Variants in RTN1 observed in about 807,000 individuals in gnomAD.
RTN1 encodes the protein reticulon-1.
A neutral mutation model predicts 65.5 loss-of-function variants in RTN1; 25 were observed. That is an observed-to-expected ratio of 0.38 (90% CI 0.28 to 0.53). The LOEUF (loss-of-function observed/expected upper bound fraction) is 0.53. Ranked by LOEUF, RTN1 falls within the 20% of genes least tolerant of loss-of-function variation. The pLI is 0.79. For synonymous variants in RTN1, 471 were observed against 447.6 expected, an observed-to-expected ratio of 1.05 and a Z score of -0.66; for missense variants, 983 against 1,025.4, an observed-to-expected ratio of 0.96 and a Z score of 0.57.
At chr14:59,619,138 G>A (rs1882188168) in intron 3 of RTN1, among the ~76,000 whole-genome samples, 1 of 152,214 alleles carries the variant, frequency 6.6e-6, no homozygotes, top group African/African-American at 2.4e-5. Context: ...CAAAGGATTA[G>A]TTGACAAGAA....
chr14:59,744,253 T>A (rs1885171562), intron 2 of RTN1, among the ~76,000 whole-genome samples: 1 of 152,302 alleles, frequency 6.6e-6, no homozygotes, highest in East Asian at 1.9e-4. Flanking sequence ...TCACCTGAGG[T>A]GCATACCAAA....
At chr14:59,773,861 A>C (rs1326959996) in intron 1 of RTN1, among the ~76,000 whole-genome samples, 1 of 152,194 alleles carries the variant, frequency 6.6e-6, no homozygotes, top group African/African-American at 2.4e-5. Flanking sequence ...ACAGAAAAAG[A>C]AATGAATATT....
intron 2 of RTN1, among the ~76,000 whole-genome samples, chr14:59,734,782 G>A (rs981613041): frequency 6.6e-6 from 1 of 152,036 alleles, no homozygotes; most frequent in Non-Finnish European, 1.5e-5. Context: ...GAAAGAGATG[G>A]GGAGAATAGA....
At chr14:59,759,922 G>A (rs1255483537) in intron 1 of RTN1, among the ~76,000 whole-genome samples, 8 of 152,170 alleles carry the variant, frequency 5.3e-5, no homozygotes, top group East Asian at 1.9e-4. Context: ...AGTACAATAC[G>A]CCATAACCCC....
At chr14:59,765,392 A>G (rs564709096) in intron 1 of RTN1, among the ~76,000 whole-genome samples, 10 of 152,352 alleles carry the variant, frequency 6.6e-5, no homozygotes, top group African/African-American at 2.2e-4. Flanking sequence ...TACAGGCTAA[A>G]GAATAGGTAA....
chr14:59,669,667 T>C (rs1467173660), intron 3 of RTN1, among the ~76,000 whole-genome samples: 1 of 152,100 alleles, frequency 6.6e-6, no homozygotes, highest in African/African-American at 2.4e-5. Flanking sequence ...GAGGAGATGA[T>C]GATGAGGAAT....
intron 3 of RTN1, among the ~76,000 whole-genome samples, chr14:59,645,395 A>G (rs972652846): frequency 7.3e-5 from 11 of 150,910 alleles, no homozygotes; most frequent in African/African-American, 2.4e-4. Flanking sequence ...TGTTTTCTAT[A>G]TATTACATGT....
At chr14:59,791,923 C>T (rs1886355886) in intron 1 of RTN1, among the ~76,000 whole-genome samples, 1 of 152,074 alleles carries the variant, frequency 6.6e-6, no homozygotes, top group African/African-American at 2.4e-5. Flanking sequence ...CCAGGGCTGC[C>T]TGATATGCAA....
At chr14:59,688,813 G>T (rs993326284) in intron 3 of RTN1, among the ~76,000 whole-genome samples, 2 of 151,624 alleles carry the variant, frequency 1.3e-5, no homozygotes, top group Non-Finnish European at 2.9e-5. Context: ...GACAGAAAAA[G>T]AAAAAACCCC....
At chr14:59,817,162 C>T (rs8011499) in intron 1 of RTN1, among the ~76,000 whole-genome samples, 23,237 of 151,888 alleles carry the variant, frequency 0.15, 2,153 homozygotes, top group South Asian at 0.26. Flanking sequence ...GGGTTACGAG[C>T]GTGATGGTCC....
At chr14:59,726,628 A>G (rs1303884701) in intron 3 of RTN1, among the ~76,000 whole-genome samples, 1 of 152,212 alleles carries the variant, frequency 6.6e-6, no homozygotes, top group East Asian at 1.9e-4. Context: ...AGACAGGCGC[A>G]TGCACTCCAT....
Position 59,658,703 on chromosome 14 carries a change from G to A in RTN1, c.1766-51211C>T, listed in dbSNP as rs567542683. 2.4e-3 allele frequency among the ~76,000 whole-genome samples: 364 copies of A among 152,202 alleles called. 1 individual carries two copies. Among genetic ancestry groups the A allele is most frequent in the African/African-American group, 7.8e-3 (324 of 41,552 alleles). ...TAGCATCAACATCAACAAAAAGGAC[G>A]TCCACACAAAAACTCCATCCGATGG... On this transcript the variant is annotated intron_variant, in intron 3 of 8. Coordinates refer to ENST00000267484, the MANE Select transcript of RTN1 (RefSeq NM_021136.3).
intron 3 of RTN1, among the ~76,000 whole-genome samples, chr14:59,647,595 A>C (rs1303118916): frequency 6.6e-6 from 1 of 152,318 alleles, no homozygotes; most frequent in African/African-American, 2.4e-5. Flanking sequence ...ATCATACCAA[A>C]TTCACTCTTG....
chr14:59,784,030 T>C (rs1409765408), intron 1 of RTN1, among the ~76,000 whole-genome samples: 1 of 152,218 alleles, frequency 6.6e-6, no homozygotes, highest in Non-Finnish European at 1.5e-5. Context: ...CTCTGCAGAT[T>C]GACTCTTCAT....
chr14:59,666,128 C>T (rs538476799), intron 3 of RTN1, among the ~76,000 whole-genome samples: 3 of 152,180 alleles, frequency 2.0e-5, no homozygotes, highest in African/African-American at 7.2e-5. Flanking sequence ...TCCAAATCAA[C>T]AGAATATACA....
intron 3 of RTN1, among the ~76,000 whole-genome samples, chr14:59,684,831 T>C (rs1249041357): frequency 2.0e-5 from 3 of 152,150 alleles, no homozygotes; most frequent in African/African-American, 7.2e-5. Context: ...GTTTTCTCCA[T>C]AGAAATCTGA....
In RTN1 at chr14:59,727,764, G is replaced by C; in HGVS notation, c.1016-96C>G. 3 of 1,438,702 alleles carry C rather than the reference G, an allele frequency of 2.1e-6. No homozygotes were observed. Among genetic ancestry groups the C allele is most frequent in the African/African-American group, 1.4e-5 (1 of 70,338 alleles). The allele number at this position is 1,438,702 out of a possible 1,614,324, so 89.1% of individuals were successfully genotyped here. Reference sequence around the variant, plus strand: ...GGGATAAAACAAAATTCCATTAGGCGAGATGTTTTGTCGTTGCTTGAGAAA... The same window carrying C: ...GGGATAAAACAAAATTCCATTAGGCCAGATGTTTTGTCGTTGCTTGAGAAA... On this transcript the variant is annotated intron_variant, in intron 2 of 8. Transcript: ENST00000267484. This position sits in a 1 kb window ranked among gnomAD's most constrained non-coding sequence, Gnocchi z 4.2.
intron 1 of RTN1, among the ~76,000 whole-genome samples, chr14:59,842,477 C>A (rs1469978668): frequency 6.6e-6 from 1 of 150,800 alleles, no homozygotes; most frequent in Non-Finnish European, 1.5e-5. Flanking sequence ...CTTTTTTTTT[C>A]AATTTTCCCC....
At chr14:59,630,247 TAA>T (rs537362600) in intron 3 of RTN1, among the ~76,000 whole-genome samples, 8 of 137,846 alleles carry the variant, frequency 5.8e-5, no homozygotes, top group African/African-American at 5.3e-5. Context: ...GGGGTGGGGT[TAA>T]AAAAAAAAAG....
Sources: gnomAD v4.1 joint callset for allele counts (sites outside exome capture counted in the v4.1 genomes callset) on GRCh38, gnomAD v4.1.1 for gene constraint, Gnocchi (gnomAD v3.1) non-coding constraint, MANE v1.5 for transcripts, NCBI Gene and HGNC (gene_info 2026-07-23, HGNC 2026-07-21) for gene names.